The following MTSS2 variants were observed in gnomAD, a reference collection of about 807,000 sequenced individuals.
The protein encoded by MTSS2 is MTSS I-BAR domain containing 2.
A neutral mutation model predicts 67.1 loss-of-function variants in MTSS2; 27 were observed. The ratio of observed to expected loss-of-function variants is 0.40; its 90% confidence interval spans 0.30 to 0.55. The LOEUF (loss-of-function observed/expected upper bound fraction) is 0.55, where lower values mean the gene tolerates loss of function less well. Among genes scored for constraint, MTSS2 ranks in the 20% least tolerant of loss-of-function variants. MTSS2 has a pLI of 0.43. For missense variants in MTSS2, 1,171 were observed against 1,067.8 expected (o/e 1.10, Z -1.35); for synonymous variants, 624 against 468.6 (o/e 1.33, Z -4.28).
At chr16:70,669,873 C>T (rs6499334) in intron 11 of MTSS2, among the ~76,000 whole-genome samples, 92,917 of 151,478 alleles carry the variant, frequency 0.61, 28,579 homozygotes, top group Non-Finnish European at 0.64. Flanking sequence ...GAAATGCAAA[C>T]AAAATATACA....
At chr16:70,668,358 A>G (rs934478072) in intron 11 of MTSS2, among the ~76,000 whole-genome samples, 12 of 152,064 alleles carry the variant, frequency 7.9e-5, no homozygotes, top group Admixed American at 3.3e-4. Flanking sequence ...CAGTGAGCCA[A>G]TACTGTACCT....
intron 10 of MTSS2, among the ~76,000 whole-genome samples, chr16:70,675,576 G>A (rs1243426632): frequency 6.6e-5 from 10 of 152,134 alleles, no homozygotes; most frequent in South Asian, 2.1e-4. Context: ...CACCATGCCC[G>A]GCTAATTTTT....
At position 70,680,790 on chromosome 16, in the gene MTSS2, C is replaced by T. The variant is rs773377552; in HGVS notation, c.205+4G>A. The T allele has an allele frequency of 3.2e-6, 5 of 1,551,780 alleles. No individual in the cohort carries two copies. Among genetic ancestry groups the T allele is most frequent in the Non-Finnish European group, 4.4e-6 (5 of 1,147,666 alleles). ...CCCCAACCTCCAGCCACGCGCCTCC[C>T]CACCTCGGGTGTTGGTAGCCATGTC... On this transcript the variant is annotated splice_donor_region_variant and intron_variant, in intron 3 of 14. Transcript: ENST00000338779.
At chr16:70,677,724 T>C in intron 9 of MTSS2, 68 bp downstream of exon 9, 13 of 1,276,894 alleles carry the variant, frequency 1.0e-5, no homozygotes, top group Non-Finnish European at 1.4e-5. Flanking sequence ...CCTTTACTGT[T>C]CCCAACCTAG....
At chr16:70,685,472 CACAGGCTCGGGTCAGG>C (rs1567510498) in intron 1 of MTSS2, among the ~76,000 whole-genome samples, 1 of 152,088 alleles carries the variant, frequency 6.6e-6, no homozygotes, top group African/African-American at 2.4e-5. Flanking sequence ...CCTGCGTGTG[CACAGGCTCGGGTCAGG>C]ACCCCACGGG....
At chr16:70,671,204 T>C (rs1475330417) in intron 11 of MTSS2, among the ~76,000 whole-genome samples, 2 of 151,812 alleles carry the variant, frequency 1.3e-5, no homozygotes, top group Non-Finnish European at 2.9e-5. Flanking sequence ...CACTTGAGAT[T>C]AGGAGTGATC....
In MTSS2 at chr16:70,664,348, G is replaced by C; in HGVS notation, c.1573C>G (p.Gln525Glu). The part of the protein sequence containing the change: ...STIPRNSNIA[Q>E]NYRRLIQTKR... ...GTCTGGATCAGGCGGCGGTAGTTCT[G>C]GGCGATGTTGCTGTTGCGCGGGATG... Residue 525 changes from glutamine (Q) to glutamate (E), a missense_variant, in exon 15 of 15, where the codon CAG becomes GAG. By Grantham distance (29) the Gln-to-Glu change is conservative. Transcript: ENST00000338779. The C allele has an allele frequency of 6.3e-7, 1 of 1,597,522 alleles. No individual in the cohort carries two copies. Among genetic ancestry groups the C allele is most frequent in the Non-Finnish European group, 8.5e-7 (1 of 1,173,922 alleles).
Position 70,679,614 on chromosome 16 carries a change from C to T in MTSS2, c.457+16G>A, listed in dbSNP as rs1005145851. ...GGGCCGTGGGGCTGTGGCTGGGGGG[C>T]CGCGCCAGGCACTACCTTTGCGCGC... On this transcript the variant is annotated intron_variant, in intron 6 of 14. Coordinates refer to ENST00000338779, the MANE Select transcript of MTSS2 (RefSeq NM_138383.3). 1.9e-6 allele frequency: 3 copies of T among 1,583,956 alleles called. No homozygotes were observed. The highest frequency in any genetic ancestry group is 3.6e-5 in the Admixed American group (2 of 56,026).
In MTSS2 at chr16:70,663,357, C is replaced by A. The variant is rs2052563801; in HGVS notation, c.*320G>T. The A allele has an allele frequency of 5.3e-6, 2 of 377,424 alleles. No individual in the cohort carries two copies. Among genetic ancestry groups the A allele is most frequent in the Non-Finnish European group, 9.5e-6 (2 of 210,716 alleles). The allele number at this position is 377,424 out of a possible 1,614,324, so 23.4% of individuals were successfully genotyped here. On this transcript the variant is annotated 3_prime_UTR_variant, in exon 15 of 15. Coordinates refer to ENST00000338779, the MANE Select transcript of MTSS2 (RefSeq NM_138383.3). The stretch of plus-strand genomic sequence containing the variant: ...AGGGAGGCCAGCCTGGCCCCTCTGT[C>A]ATGGGCAGCGGCCCTGGCTCTGGTG...
chr16:70,664,891 G>A (rs1238220090), intron 13 of MTSS2, 29 bp downstream of exon 13: 2 of 1,525,774 alleles, frequency 1.3e-6, no homozygotes, highest in Non-Finnish European at 1.8e-6. Flanking sequence ...GACTGACCTG[G>A]GCGTGAAGGG....
chr16:70,683,544 A>G (rs1232057555), intron 1 of MTSS2, among the ~76,000 whole-genome samples: 1 of 152,102 alleles, frequency 6.6e-6, no homozygotes, highest in Non-Finnish European at 1.5e-5. Flanking sequence ...GGCCCCATTC[A>G]CCTTGCTGAA....
chr16:70,677,975 C>A, intron 8 of MTSS2, 76 bp from the exon 9 acceptor site: 1 of 1,272,980 alleles, frequency 7.9e-7, no homozygotes. Context: ...GGAGAAGCAG[C>A]AGCCCTTGTC....
At chr16:70,681,699 C>T (rs2053309945) in intron 1 of MTSS2, among the ~76,000 whole-genome samples, 1 of 152,258 alleles carries the variant, frequency 6.6e-6, no homozygotes, top group South Asian at 2.1e-4. Context: ...CCCCCTGCTC[C>T]CCTCCCCTCC....
intron 11 of MTSS2, among the ~76,000 whole-genome samples, chr16:70,670,636 A>T (rs1360955121): frequency 6.6e-6 from 1 of 152,192 alleles, no homozygotes; most frequent in Non-Finnish European, 1.5e-5. Context: ...GCCAGACATA[A>T]AGGATACATA....
Position 70,661,705 on chromosome 16 carries a change from G to C in MTSS2, c.*1972C>G, listed in dbSNP as rs2052478704. The C allele has an allele frequency of 4.2e-6, 1 of 238,872 alleles. No individual in the cohort carries two copies. Among genetic ancestry groups the C allele is most frequent in the South Asian group, 4.8e-5 (1 of 20,672 alleles). 14.8% of individuals were successfully genotyped at this position (238,872 alleles called of 1,614,324 possible). On this transcript the variant is annotated 3_prime_UTR_variant, in exon 15 of 15. Transcript: ENST00000338779. Reference sequence around the variant, plus strand: ...GTATGTACAGCCCCCGGGGCTCACAGGGGAGGGGGACGGCGGAGTCGGTGG... The same window carrying C: ...GTATGTACAGCCCCCGGGGCTCACACGGGAGGGGGACGGCGGAGTCGGTGG...
intron 8 of MTSS2, 42 bp downstream of exon 8, chr16:70,678,209 GC>G (rs749184503): frequency 6.4e-7 from 1 of 1,563,498 alleles, no homozygotes; most frequent in Non-Finnish European, 8.7e-7. Context: ...TCAACCCTGG[GC>G]CCAGCCCACC....
intron 11 of MTSS2, among the ~76,000 whole-genome samples, chr16:70,666,796 C>CA (rs927935435): frequency 6.6e-6 from 1 of 152,150 alleles, no homozygotes; most frequent in Non-Finnish European, 1.5e-5. Context: ...AAAAACAATA[C>CA]AAAGACACAA....
In MTSS2 at chr16:70,663,560, G is replaced by A. The variant is rs970472021; in HGVS notation, c.*117C>T. 1 of 1,424,922 alleles carries A rather than the reference G, an allele frequency of 7.0e-7. No individual in the cohort carries two copies. Among genetic ancestry groups the A allele is most frequent in the Non-Finnish European group, 9.2e-7 (1 of 1,088,388 alleles). The allele number at this position is 1,424,922 out of a possible 1,614,324, so 88.3% of individuals were successfully genotyped here. ...AGGTGTCTTTCCATAAAGTGGCATG[G>A]CCTCTGCCCTGGCTCTGTCCTCTCT... is the stretch of plus-strand genomic sequence containing the variant. On this transcript the variant is annotated 3_prime_UTR_variant, in exon 15 of 15. Transcript: ENST00000338779.
intron 11 of MTSS2, among the ~76,000 whole-genome samples, chr16:70,668,055 G>C (rs1396154713): frequency 6.7e-6 from 1 of 149,216 alleles, no homozygotes; most frequent in Non-Finnish European, 1.5e-5. Context: ...GCCGAAAATA[G>C]ACAAAGCGGT....
Sources: gnomAD v4.1 joint callset for allele counts (sites outside exome capture counted in the v4.1 genomes callset) on GRCh38, gnomAD v4.1.1 for gene constraint, MANE v1.5 for transcripts, NCBI Gene and HGNC (gene_info 2026-07-23, HGNC 2026-07-21) for gene names.